Variants in DAB2IP observed in about 807,000 individuals in gnomAD.
DAB2IP encodes disabled homolog 2-interacting protein.
DAB2IP carries 28 observed loss-of-function variants against 107.2 expected under a neutral mutation model. The observed-to-expected ratio is 0.26, with a 90% CI of 0.19 to 0.36. The LOEUF (loss-of-function observed/expected upper bound fraction) is 0.36. Among genes scored for constraint, DAB2IP ranks in the 10% least tolerant of loss-of-function variants. The pLI is 1.00. For missense variants in DAB2IP, 1,400 were observed against 1,644.7 expected (o/e 0.85, Z 2.57); for synonymous variants, 755 against 706.4 (o/e 1.07, Z -1.09).
At chr9:121,763,148 T>G (rs878897397) in intron 6 of DAB2IP, among the ~76,000 whole-genome samples, 1 of 152,022 alleles carries the variant, frequency 6.6e-6, no homozygotes, top group Non-Finnish European at 1.5e-5. Context: ...GAGAGGCGAG[T>G]CCTGCTGTGG....
Position 121,782,053 on chromosome 9 carries a change from A to C in DAB2IP, c.3403-278A>C, listed in dbSNP as rs1835696059. Among the ~76,000 whole-genome samples the C allele has an allele frequency of 6.6e-6, 1 of 152,146 alleles. No homozygotes were observed. Among genetic ancestry groups the C allele is most frequent in the African/African-American group, 2.4e-5 (1 of 41,430 alleles). On this transcript the variant is annotated intron_variant, in intron 15 of 15. Transcript: ENST00000408936. The surrounding 1 kb of genome is among the most constrained non-coding windows in gnomAD (Gnocchi z 6.1). ...CAGGAGCTGTGACCTCTGGTGTGTC[A>C]TGCACACACATGTGAGCAAGGGTGC...
Position 121,633,968 on chromosome 9 carries a change from C to T in DAB2IP, c.41-44710C>T, listed in dbSNP as rs1003287027. ...GAAGCCTTTCTTGATTTCTCCCTGC[C>T]CTGTCAGTCAAAATTAGTTACTTCC... is the stretch of plus-strand genomic sequence containing the variant. On this transcript the variant is annotated intron_variant, in intron 1 of 16. Transcript: ENST00000259371. This position sits in a 1 kb window ranked among gnomAD's most constrained non-coding sequence, Gnocchi z 5.1. Among the ~76,000 whole-genome samples the T allele has an allele frequency of 6.6e-6, 1 of 152,116 alleles. No individual in the cohort carries two copies. Among genetic ancestry groups the T allele is most frequent in the Non-Finnish European group, 1.5e-5 (1 of 68,012 alleles).
At chr9:121,611,199 C>G (rs796877625) in intron 1 of DAB2IP, among the ~76,000 whole-genome samples, 3 of 152,162 alleles carry the variant, frequency 2.0e-5, no homozygotes. Flanking sequence ...GTCTCGAACT[C>G]CTGACTTCAA....
intron 2 of DAB2IP, among the ~76,000 whole-genome samples, chr9:121,685,326 TG>T (rs1017960190): frequency 2.6e-5 from 4 of 151,938 alleles, no homozygotes; most frequent in African/African-American, 9.7e-5. Flanking sequence ...GTGGCCAGGG[TG>T]GGGCAAGGAT....
intron 1 of DAB2IP, among the ~76,000 whole-genome samples, chr9:121,616,219 G>A (rs937841576): frequency 6.6e-6 from 1 of 152,214 alleles, no homozygotes; most frequent in South Asian, 2.1e-4. Context: ...CGGGAAGGCT[G>A]CAGGGAAGAG....
At chr9:121,678,731 G>A (rs749004915) in exon 2 of DAB2IP, 16 of 1,598,572 alleles carry the variant, frequency 1.0e-5, no homozygotes, top group South Asian at 3.4e-5. Context: ...CAGCCTTTCC[G>A]AGAAGAGCCC....
At chr9:121,625,663 T>TG (rs1831619205) in intron 1 of DAB2IP, among the ~76,000 whole-genome samples, 1 of 106,648 alleles carries the variant, frequency 9.4e-6, no homozygotes, top group Non-Finnish European at 2.1e-5. Context: ...GAGGGCTTTC[T>TG]GCTTTTTTTT....
chr9:121,624,808 C>G lies in DAB2IP; in HGVS notation c.41-53870C>G, dbSNP rs532525160. 2.0e-5 allele frequency among the ~76,000 whole-genome samples: 3 copies of G among 152,318 alleles called. No individual in the cohort carries two copies. In the East Asian group the frequency reaches 5.8e-4, roughly 29 times the overall value. On this transcript the variant is annotated intron_variant, in intron 1 of 16. Transcript: ENST00000259371. ...ATCTCCATCATTATGTAACACACAA[C>G]TGTACCTACCTTCTGGAATTACTGA...
In DAB2IP at chr9:121,776,205, C is replaced by T. The variant is rs868409347; in HGVS notation, c.3128C>T (p.Ala1043Val). ...ACGCTGCCCTCCTGGTAGGACCTGG[C>T]GGTGCTGCAGGACAAGCTGCGAATC... The change falls in exon 14 of 16, where the codon GCG (alanine) becomes GTG (valine). Residue 1043 changes from alanine to valine, a missense_variant. Physicochemically the swap from Ala to Val is moderately conservative, Grantham distance 64 (BLOSUM62 0). Around this residue, in one of 3 missense-constraint regions of DAB2IP, gnomAD observed 600 missense variants for 659.1 expected, o/e 0.91. Coordinates refer to ENST00000408936, the Ensembl canonical transcript of DAB2IP. The surrounding 1 kb of genome is among the most constrained non-coding windows in gnomAD (Gnocchi z 5.4). The T allele has an allele frequency of 7.6e-6, 12 of 1,573,408 alleles. No individual in the cohort carries two copies. The highest frequency in any genetic ancestry group is 1.9e-5 in the Admixed American group (1 of 53,404).
intron 3 of DAB2IP, among the ~76,000 whole-genome samples, chr9:121,756,803 C>T (rs1589651078): frequency 6.6e-6 from 1 of 152,228 alleles, no homozygotes; most frequent in South Asian, 2.1e-4. Context: ...AGAGGCTGAG[C>T]CCCCAGCCAG....
intron 3 of DAB2IP, among the ~76,000 whole-genome samples, chr9:121,742,033 G>C (rs1832386778): frequency 1.3e-5 from 2 of 151,970 alleles, no homozygotes; most frequent in Admixed American, 6.6e-5. Flanking sequence ...TGGCTTCCAG[G>C]CATCACAGAA....
At chr9:121,592,928 T>C (rs552668939) in intron 1 of DAB2IP, among the ~76,000 whole-genome samples, 1 of 152,212 alleles carries the variant, frequency 6.6e-6, no homozygotes, top group Admixed American at 6.5e-5. Context: ...GGAGGGTCTT[T>C]AGTTCTACAG....
At chr9:121,759,144 G>A (rs1245412915) in intron 5 of DAB2IP, 148 bp downstream of exon 5, 1 of 736,422 alleles carries the variant, frequency 1.4e-6, no homozygotes, top group Admixed American at 2.3e-5. Flanking sequence ...AATATTGGTG[G>A]ACTCTGAAAG....
At chr9:121,614,954 G>A (rs549657212) in intron 1 of DAB2IP, among the ~76,000 whole-genome samples, 110 of 151,230 alleles carry the variant, frequency 7.3e-4, no homozygotes, top group African/African-American at 2.5e-3. Context: ...GGCTGGTCTT[G>A]AACTCCTGAC....
At chr9:121,712,347 G>A (rs1274250528) in intron 3 of DAB2IP, among the ~76,000 whole-genome samples, 1 of 152,246 alleles carries the variant, frequency 6.6e-6, no homozygotes, top group Non-Finnish European at 1.5e-5. Flanking sequence ...GTGATCAGCT[G>A]TTGTGGGGCT....
intron 1 of DAB2IP, among the ~76,000 whole-genome samples, chr9:121,654,134 G>A (rs961447529): frequency 6.6e-6 from 1 of 152,208 alleles, no homozygotes; most frequent in African/African-American, 2.4e-5. Context: ...AGAAGCCAGT[G>A]CCTGGGACTA....
exon 13 of DAB2IP, chr9:121,774,397 C>G: frequency 6.2e-7 from 1 of 1,610,872 alleles, no homozygotes; most frequent in Non-Finnish European, 8.5e-7. Flanking sequence ...AGGACGAGCT[C>G]AGCCAAGCAG....
Position 121,778,588 on chromosome 9 carries a change from C to T in DAB2IP, c.3314+2197C>T, listed in dbSNP as rs944437456. ...TTTTTTTATGATTCCATTTTCTCTC[C>T]TATTGACTTATTAGCTTTATCTCTT... On this transcript the variant is annotated intron_variant, in intron 14 of 15. Coordinates refer to ENST00000408936, the Ensembl canonical transcript of DAB2IP. Among the ~76,000 whole-genome samples the T allele has an allele frequency of 2.0e-5, 3 of 152,172 alleles. No individual in the cohort carries two copies. In the East Asian group the frequency reaches 5.8e-4, roughly 29 times the overall value.
chr9:121,646,951 C>G (rs926350641), upstream of DAB2IP, among the ~76,000 whole-genome samples: 11 of 152,122 alleles, frequency 7.2e-5, no homozygotes, highest in African/African-American at 2.7e-4. Context: ...AAAGAAATAA[C>G]CATCTGCCTC....
Sources: gnomAD v4.1 joint callset for allele counts (sites outside exome capture counted in the v4.1 genomes callset) on GRCh38, gnomAD v4.1.1 for gene constraint, gnomAD v4.1.1 regional missense constraint, Gnocchi (gnomAD v3.1) non-coding constraint, MANE v1.5 for transcripts, NCBI Gene and HGNC (gene_info 2026-07-23, HGNC 2026-07-21) for gene names.